The following TENM3 variants were observed in gnomAD, a reference collection of about 807,000 sequenced individuals.
TENM3 encodes teneurin transmembrane protein 3, also known as teneurin-3.
Under a neutral mutation model 255.1 loss-of-function variants are expected in TENM3, and 63 were observed. That is an observed-to-expected ratio of 0.25 (90% CI 0.20 to 0.30). The LOEUF is 0.30. Ranked by LOEUF, TENM3 falls within the 10% of genes least tolerant of loss-of-function variation. The pLI is 1.00. For missense variants in TENM3, 2,929 were observed against 3,461.1 expected (o/e 0.85, Z 3.86); for synonymous variants, 1,306 against 1,322.3 (o/e 0.99, Z 0.27).
chr4:182,775,161 C>G lies in TENM3; in HGVS notation c.5304+8C>G, dbSNP rs199619111. The G allele has an allele frequency of 9.7e-4, 1,570 of 1,612,700 alleles. 22 individuals are homozygous for G. In the South Asian group the frequency reaches 0.016, roughly 17 times the overall value. ...TTTGGCCGCAAGCTCAGGGTACGTA[C>G]GTGTTGTGGAGCAGGAGATAGCTGC... On this transcript the variant is annotated splice_region_variant and intron_variant, in intron 24 of 27. Coordinates refer to ENST00000511685, the MANE Select transcript of TENM3 (RefSeq NM_001080477.4).
chr4:182,646,883 G>A (rs1752797994), intron 5 of TENM3, among the ~76,000 whole-genome samples: 1 of 152,178 alleles, frequency 6.6e-6, no homozygotes, highest in East Asian at 1.9e-4. Flanking sequence ...ATGTATTGTG[G>A]TCTCTTCTTT....
Position 182,291,437 on chromosome 4 carries a change from T to C in TENM3, c.-75-32509T>C, listed in dbSNP as rs574290462. Among the ~76,000 whole-genome samples the C allele has an allele frequency of 2.2e-3, 328 of 152,202 alleles. 1 individual carries two copies. The highest frequency in any genetic ancestry group is 7.6e-3 in the African/African-American group (317 of 41,530). ...ACAGAGATGCAATTCCAGGAGATCATAGGAAATAAGGCGCACACATCAGAA... is the reference window on the plus strand; with the variant it reads ...ACAGAGATGCAATTCCAGGAGATCACAGGAAATAAGGCGCACACATCAGAA... On this transcript the variant is annotated intron_variant, in intron 1 of 27. Coordinates refer to ENST00000511685, the MANE Select transcript of TENM3 (RefSeq NM_001080477.4).
intron 1 of TENM3, among the ~76,000 whole-genome samples, chr4:182,179,653 A>C (rs1752723091): frequency 6.6e-6 from 1 of 152,170 alleles, no homozygotes; most frequent in Non-Finnish European, 1.5e-5. Flanking sequence ...TCTGCTCTGA[A>C]ACTGTCATTT....
At chr4:182,794,599 T>C (rs1434468494) in intron 26 of TENM3, among the ~76,000 whole-genome samples, 1 of 152,240 alleles carries the variant, frequency 6.6e-6, no homozygotes, top group Non-Finnish European at 1.5e-5. Flanking sequence ...AGTGCAGTTC[T>C]TGCATGGTGA....
At chr4:181,807,434 A>G in the TENM3 span, among the ~76,000 whole-genome samples, 1 of 152,068 alleles carries the variant, frequency 6.6e-6, no homozygotes, top group East Asian at 1.9e-4. Context: ...GCTCACCGCA[A>G]CCTCCGCCTC....
At chr4:182,196,244 C>G (rs972935200) in intron 1 of TENM3, among the ~76,000 whole-genome samples, 1 of 152,098 alleles carries the variant, frequency 6.6e-6, no homozygotes, top group African/African-American at 2.4e-5. Context: ...CTTGAAGATC[C>G]AAACCAGTGG....
At chr4:181,794,896 G>A in the TENM3 span, among the ~76,000 whole-genome samples, 1 of 152,060 alleles carries the variant, frequency 6.6e-6, no homozygotes, top group Non-Finnish European at 1.5e-5. Flanking sequence ...TTCACAGGCT[G>A]TGCTTCTCCA....
the TENM3 span, among the ~76,000 whole-genome samples, chr4:181,722,105 A>T: frequency 2.0e-5 from 3 of 152,220 alleles, no homozygotes; most frequent in Non-Finnish European, 4.4e-5. Context: ...GAAGATCATG[A>T]AATACCTCTA....
At chr4:182,502,136 C>A (rs545074030) in intron 3 of TENM3, among the ~76,000 whole-genome samples, 14 of 152,160 alleles carry the variant, frequency 9.2e-5, no homozygotes, top group Non-Finnish European at 1.6e-4. Context: ...TTACTGTCTG[C>A]TACTGTTGTT....
the TENM3 span, among the ~76,000 whole-genome samples, chr4:181,725,329 C>T: frequency 2.6e-5 from 4 of 151,820 alleles, no homozygotes; most frequent in East Asian, 1.9e-4. Context: ...TTCCCTGCAA[C>T]GTGGTTTATG....
the TENM3 span, among the ~76,000 whole-genome samples, chr4:182,121,736 G>A: frequency 3.1e-4 from 47 of 152,168 alleles, no homozygotes; most frequent in Admixed American, 1.7e-3. Context: ...AGTATCTTGC[G>A]TCAGTGTTCA....
At chr4:181,931,875 C>T in the TENM3 span, among the ~76,000 whole-genome samples, 11 of 152,058 alleles carry the variant, frequency 7.2e-5, no homozygotes, top group African/African-American at 2.7e-4. Context: ...CATCTACAAC[C>T]ATCTGATCTT....
intron 14 of TENM3, 106 bp from the exon 15 acceptor site, chr4:182,730,094 G>T: frequency 1.5e-6 from 2 of 1,365,806 alleles, no homozygotes; most frequent in African/African-American, 1.4e-5. Flanking sequence ...ACGATGGATT[G>T]CATAGCATAG....
At chr4:182,066,893 A>G in the TENM3 span, among the ~76,000 whole-genome samples, 1 of 152,198 alleles carries the variant, frequency 6.6e-6, no homozygotes, top group Non-Finnish European at 1.5e-5. Context: ...CCTGGGCGAC[A>G]GAGCGAGACT....
chr4:181,810,475 C>T, the TENM3 span, among the ~76,000 whole-genome samples: 1 of 151,822 alleles, frequency 6.6e-6, no homozygotes, highest in Non-Finnish European at 1.5e-5. Flanking sequence ...TGAATTTCTG[C>T]TTGGGGGGTA....
At chr4:182,274,076 G>C (rs1038342559) in intron 1 of TENM3, among the ~76,000 whole-genome samples, 16 of 152,182 alleles carry the variant, frequency 1.1e-4, no homozygotes, top group African/African-American at 3.9e-4. Context: ...CTGGAGGCCA[G>C]AATGAGTGAG....
chr4:181,778,962 G>A, the TENM3 span, among the ~76,000 whole-genome samples: 1 of 152,116 alleles, frequency 6.6e-6, no homozygotes, highest in African/African-American at 2.4e-5. Context: ...GAAGCAGAAG[G>A]AATAAGAGTC....
the TENM3 span, among the ~76,000 whole-genome samples, chr4:181,531,691 A>G: frequency 1.3e-5 from 2 of 152,230 alleles, no homozygotes; most frequent in Non-Finnish European, 2.9e-5. Context: ...CAAATGTTCA[A>G]TGCTGTAAAG....
chr4:182,558,503 A>G (rs1007819998), intron 3 of TENM3, among the ~76,000 whole-genome samples: 1 of 152,202 alleles, frequency 6.6e-6, no homozygotes, highest in African/African-American at 2.4e-5. Flanking sequence ...TAAAAATGGC[A>G]AAGCTGAAAG....
Sources: gnomAD v4.1 joint callset for allele counts (sites outside exome capture counted in the v4.1 genomes callset) on GRCh38, gnomAD v4.1.1 for gene constraint, MANE v1.5 for transcripts, NCBI Gene and HGNC (gene_info 2026-07-23, HGNC 2026-07-21) for gene names.